PTPN14: variants seen among roughly 807,000 people sequenced by gnomAD.
PTPN14 encodes tyrosine-protein phosphatase non-receptor type 14.
A neutral mutation model predicts 126.8 loss-of-function variants in PTPN14; 53 were observed. That is an observed-to-expected ratio of 0.42 (90% confidence interval 0.34 to 0.53). The LOEUF (loss-of-function observed/expected upper bound fraction) is 0.53. Ranked by LOEUF, PTPN14 falls within the 20% of genes least tolerant of loss-of-function variation. PTPN14 has a pLI of 0.08. For synonymous variants in PTPN14, 630 were observed against 599.3 expected, an observed-to-expected ratio of 1.05 and a Z score of -0.75; for missense variants, 1,257 against 1,552.9, an observed-to-expected ratio of 0.81 and a Z score of 3.20.
chr1:214,371,937 C>T (rs887570113), intron 16 of PTPN14, among the ~76,000 whole-genome samples: 1 of 152,132 alleles, frequency 6.6e-6, no homozygotes, highest in Admixed American at 6.5e-5. Flanking sequence ...CACTGCAATA[C>T]CATGGATATT....
chr1:214,511,266 T>G (rs899836638), intron 1 of PTPN14, among the ~76,000 whole-genome samples: 8 of 152,244 alleles, frequency 5.3e-5, no homozygotes, highest in African/African-American at 1.9e-4. Context: ...TGAGAAGACT[T>G]TCCCGTACTA....
chr1:214,391,875 C>T (rs976900770), intron 10 of PTPN14, among the ~76,000 whole-genome samples: 1 of 152,048 alleles, frequency 6.6e-6, no homozygotes, highest in African/African-American at 2.4e-5. Flanking sequence ...AAATGACTGG[C>T]TAAATAATAC....
intron 1 of PTPN14, among the ~76,000 whole-genome samples, chr1:214,516,787 A>C (rs1190426647): frequency 6.6e-6 from 1 of 151,932 alleles, no homozygotes; most frequent in East Asian, 1.9e-4. Flanking sequence ...TAAGTGTTCC[A>C]CCTAGGGAAA....
chr1:214,443,842 C>A (rs1223758844), intron 3 of PTPN14, among the ~76,000 whole-genome samples: 2 of 152,170 alleles, frequency 1.3e-5, no homozygotes, highest in African/African-American at 4.8e-5. Flanking sequence ...TTGGGTTTCA[C>A]CAAAGCAGTG....
At chr1:214,416,508 T>C (rs567513345) in intron 3 of PTPN14, among the ~76,000 whole-genome samples, 54 of 152,232 alleles carry the variant, frequency 3.5e-4, no homozygotes, top group Non-Finnish European at 5.7e-4. Flanking sequence ...CAAGTTCTAT[T>C]ACAGATCCAT....
chr1:214,482,428 ATTAAGGAATGCTGCAC>A (rs1661010995), intron 1 of PTPN14, among the ~76,000 whole-genome samples: 1 of 152,280 alleles, frequency 6.6e-6, no homozygotes, highest in South Asian at 2.1e-4. Flanking sequence ...AGCAGAAGGA[ATTAAGGAATGCTGCAC>A]TTGTGATCCA....
At chr1:214,439,589 T>C (rs986750610) in intron 3 of PTPN14, among the ~76,000 whole-genome samples, 1 of 152,218 alleles carries the variant, frequency 6.6e-6, no homozygotes, top group Admixed American at 6.5e-5. Flanking sequence ...AGCACAAGAT[T>C]GACGAGCTGA....
chr1:214,427,006 C>T (rs1213269082), intron 3 of PTPN14, among the ~76,000 whole-genome samples: 1 of 152,110 alleles, frequency 6.6e-6, no homozygotes, highest in South Asian at 2.1e-4. Context: ...TACAGGCCAG[C>T]GTGGTGGCTC....
intron 1 of PTPN14, among the ~76,000 whole-genome samples, chr1:214,497,344 A>G (rs1006683699): frequency 5.3e-5 from 8 of 152,212 alleles, no homozygotes; most frequent in Admixed American, 5.2e-4. Context: ...ACAAGAGGCA[A>G]TGTTTTTAAT....
intron 8 of PTPN14, among the ~76,000 whole-genome samples, chr1:214,396,613 T>C (rs1331354502): frequency 6.6e-6 from 1 of 152,248 alleles, no homozygotes; most frequent in Non-Finnish European, 1.5e-5. Context: ...AGATGTGAAT[T>C]CTCATCTTGT....
intron 3 of PTPN14, among the ~76,000 whole-genome samples, chr1:214,416,062 T>G (rs552173077): frequency 7.9e-4 from 121 of 152,332 alleles, no homozygotes; most frequent in South Asian, 4.1e-3. Context: ...ACTTATTTGC[T>G]GCTCTCCAAG....
chr1:214,525,401 G>A (rs184470233), intron 1 of PTPN14, among the ~76,000 whole-genome samples: 5 of 152,140 alleles, frequency 3.3e-5, no homozygotes, highest in East Asian at 3.8e-4. Flanking sequence ...TACTGCATAC[G>A]TTATAGTCCC....
At chr1:214,448,230 T>G (rs1660188478) in intron 3 of PTPN14, among the ~76,000 whole-genome samples, 1 of 152,084 alleles carries the variant, frequency 6.6e-6, no homozygotes, top group Non-Finnish European at 1.5e-5. Flanking sequence ...AGAGGAGTAC[T>G]ATTCATTTTC....
chr1:214,400,582 A>G (rs1208897840), intron 7 of PTPN14, among the ~76,000 whole-genome samples: 1 of 152,022 alleles, frequency 6.6e-6, no homozygotes, highest in Non-Finnish European at 1.5e-5. Context: ...CCACAACAAA[A>G]CCTCCAACTT....
chr1:214,437,589 G>T (rs978360630), intron 3 of PTPN14, among the ~76,000 whole-genome samples: 2 of 152,100 alleles, frequency 1.3e-5, no homozygotes, highest in African/African-American at 4.8e-5. Context: ...AAAATATTCT[G>T]AAAGAGAGGA....
chr1:214,364,491 G>A lies in PTPN14; in HGVS notation c.3435+21C>T. ...TTGTCCCCAAGGTGGAGTATCCGGA[G>A]AGAAGCCCAGAATGACTCACTTCGT... On this transcript the variant is annotated intron_variant, in intron 18 of 18. Coordinates refer to ENST00000366956, the MANE Select transcript of PTPN14 (RefSeq NM_005401.5). This position sits in a 1 kb window ranked among gnomAD's most constrained non-coding sequence, Gnocchi z 4.1. 1 of 1,611,270 alleles carries A rather than the reference G, an allele frequency of 6.2e-7. No homozygotes were observed. The highest frequency in any genetic ancestry group is 8.5e-7 in the Non-Finnish European group (1 of 1,178,476).
intron 1 of PTPN14, among the ~76,000 whole-genome samples, chr1:214,505,899 A>C (rs543393883): frequency 6.6e-6 from 1 of 152,182 alleles, no homozygotes. Flanking sequence ...TTGTCTCAAA[A>C]AAATCGAGTT....
intron 1 of PTPN14, among the ~76,000 whole-genome samples, chr1:214,546,084 A>G (rs1655961914): frequency 6.6e-6 from 1 of 152,158 alleles, no homozygotes; most frequent in Admixed American, 6.5e-5. Flanking sequence ...AAAAGTGACC[A>G]CCATACCAAG....
At chr1:214,495,231 T>C (rs1226901797) in intron 1 of PTPN14, among the ~76,000 whole-genome samples, 2 of 152,218 alleles carry the variant, frequency 1.3e-5, no homozygotes, top group Non-Finnish European at 2.9e-5. Context: ...TGAGCGTTGG[T>C]TCCCTCATCT....
Sources: gnomAD v4.1 joint callset for allele counts (sites outside exome capture counted in the v4.1 genomes callset) on GRCh38, gnomAD v4.1.1 for gene constraint, Gnocchi (gnomAD v3.1) non-coding constraint, MANE v1.5 for transcripts, NCBI Gene and HGNC (gene_info 2026-07-23, HGNC 2026-07-21) for gene names.